The following GNA14 variants were observed in gnomAD, a reference collection of about 807,000 sequenced individuals.
GNA14 encodes the protein G protein subunit alpha 14.
GNA14 carries 50 observed loss-of-function variants against 42.0 expected under a neutral mutation model. That is an observed-to-expected ratio of 1.19 (90% CI 0.95 to 1.51). The LOEUF (loss-of-function observed/expected upper bound fraction) is 1.51. Among genes scored for constraint, GNA14 ranks in the 40% most tolerant of loss-of-function variants. The pLI is 0.00. For synonymous variants in GNA14, 173 were observed against 163.1 expected (o/e 1.06, Z -0.46); for missense variants, 473 against 446.2 (o/e 1.06, Z -0.54).
At chr9:77,526,695 C>G (rs1466178150) in intron 2 of GNA14, 1 of 152,172 alleles carries the variant, frequency 6.6e-6, no homozygotes, top group Non-Finnish European at 1.5e-5. Flanking sequence ...CCAGTTAGAA[C>G]CAATCAACCT....
At chr9:77,625,773 G>A (rs1431490721) in intron 1 of GNA14, among the ~76,000 whole-genome samples, 2 of 152,084 alleles carry the variant, frequency 1.3e-5, no homozygotes, top group Non-Finnish European at 2.9e-5. Flanking sequence ...ACCAACCACT[G>A]CAAAAACATA....
At chr9:77,630,371 GCCT>G (rs1414833532) in intron 1 of GNA14, among the ~76,000 whole-genome samples, 1 of 152,024 alleles carries the variant, frequency 6.6e-6, no homozygotes, top group Non-Finnish European at 1.5e-5. Flanking sequence ...TCCCGTCCTG[GCCT>G]CCTCAAGTGC....
At chr9:77,471,526 T>G (rs7864626) in intron 2 of GNA14, among the ~76,000 whole-genome samples, 43,972 of 152,000 alleles carry the variant, frequency 0.29, 6,623 homozygotes, top group East Asian at 0.48. Context: ...CTTGAAAGAC[T>G]GATAAGAAAG....
chr9:77,633,380 G>A (rs1335173940), intron 1 of GNA14, among the ~76,000 whole-genome samples: 1 of 152,120 alleles, frequency 6.6e-6, no homozygotes, highest in East Asian at 1.9e-4. Flanking sequence ...CTGGCCCGTT[G>A]AAGATTCTAA....
intron 1 of GNA14, among the ~76,000 whole-genome samples, chr9:77,618,855 G>A (rs557205012): frequency 2.0e-5 from 3 of 150,036 alleles, no homozygotes; most frequent in Non-Finnish European, 4.4e-5. Context: ...GGATGGTCTC[G>A]ATCTCCTGAC....
intron 6 of GNA14, among the ~76,000 whole-genome samples, chr9:77,424,642 T>C (rs2131684580): frequency 6.6e-6 from 1 of 152,326 alleles, no homozygotes; most frequent in Middle Eastern, 3.4e-3. Flanking sequence ...CATGAACCCA[T>C]AAAATAGTCA....
At chr9:77,643,936 G>T (rs1013583936) in intron 1 of GNA14, among the ~76,000 whole-genome samples, 8 of 152,148 alleles carry the variant, frequency 5.3e-5, no homozygotes, top group African/African-American at 1.9e-4. Context: ...TTAGTCCACA[G>T]CTAAGACACT....
intron 1 of GNA14, among the ~76,000 whole-genome samples, chr9:77,546,983 A>G (rs1316157379): frequency 1.3e-5 from 2 of 152,214 alleles, no homozygotes; most frequent in Non-Finnish European, 2.9e-5. Flanking sequence ...ACAATAATGT[A>G]TATGGTCATC....
At chr9:77,501,162 C>A (rs1220015045) in intron 2 of GNA14, among the ~76,000 whole-genome samples, 2 of 152,066 alleles carry the variant, frequency 1.3e-5, no homozygotes, top group African/African-American at 2.4e-5. Flanking sequence ...ACCATGTTGG[C>A]CAGGCTGGTT....
chr9:77,477,681 G>A (rs1039719264), intron 2 of GNA14, among the ~76,000 whole-genome samples: 1 of 152,198 alleles, frequency 6.6e-6, no homozygotes, highest in African/African-American at 2.4e-5. Context: ...AGGAAGATAC[G>A]AAGAAAATGA....
At chr9:77,487,850 C>A (rs1291253816) in intron 2 of GNA14, among the ~76,000 whole-genome samples, 2 of 152,140 alleles carry the variant, frequency 1.3e-5, no homozygotes, top group African/African-American at 4.8e-5. Flanking sequence ...TAGACACATC[C>A]AGGTCTCACC....
intron 2 of GNA14, among the ~76,000 whole-genome samples, chr9:77,474,809 G>C (rs764435871): frequency 6.6e-6 from 1 of 152,074 alleles, no homozygotes; most frequent in Non-Finnish European, 1.5e-5. Context: ...AATATGATTT[G>C]GCAATTAAAA....
chr9:77,470,725 A>T (rs1049229100), intron 2 of GNA14, among the ~76,000 whole-genome samples: 1 of 152,182 alleles, frequency 6.6e-6, no homozygotes, highest in African/African-American at 2.4e-5. Context: ...AAGAGGTTGA[A>T]TTGACTCATA....
At chr9:77,537,044 A>T (rs1317319322) in intron 1 of GNA14, among the ~76,000 whole-genome samples, 1 of 152,116 alleles carries the variant, frequency 6.6e-6, no homozygotes, top group African/African-American at 2.4e-5. Context: ...TGGGGTATCC[A>T]TCACCTTGAG....
At chr9:77,619,908 T>C (rs1823894318) in intron 1 of GNA14, among the ~76,000 whole-genome samples, 1 of 152,214 alleles carries the variant, frequency 6.6e-6, no homozygotes, top group Non-Finnish European at 1.5e-5. Flanking sequence ...TTTCTGTCCC[T>C]GACAAACCTG....
intron 2 of GNA14, among the ~76,000 whole-genome samples, chr9:77,516,978 G>A (rs1030874482): frequency 2.0e-5 from 3 of 152,188 alleles, no homozygotes; most frequent in Admixed American, 6.5e-5. Context: ...GGACTCAGAC[G>A]TGTGAACAGC....
At chr9:77,625,142 G>A (rs1823993354) in intron 1 of GNA14, among the ~76,000 whole-genome samples, 1 of 151,822 alleles carries the variant, frequency 6.6e-6, no homozygotes, top group South Asian at 2.1e-4. Context: ...CGATCAAGCA[G>A]AAGAAAGGGT....
At chr9:77,502,920 C>G (rs963772326) in intron 2 of GNA14, among the ~76,000 whole-genome samples, 5 of 152,138 alleles carry the variant, frequency 3.3e-5, no homozygotes, top group African/African-American at 1.2e-4. Flanking sequence ...TCTCAGGGAG[C>G]AGGCCTTTGT....
In GNA14 at chr9:77,434,526, C is replaced by T; in HGVS notation, c.310-4G>A. Reference sequence around the variant, plus strand: ...CTCTGATTATCTGGGCATTTTCCTACTCAAAGGAAAGAGAACCTTGCATCA... The same window carrying T: ...CTCTGATTATCTGGGCATTTTCCTATTCAAAGGAAAGAGAACCTTGCATCA... On this transcript the variant is annotated splice_polypyrimidine_tract_variant and splice_region_variant and intron_variant, in intron 2 of 6. Transcript: ENST00000341700. 1.2e-6 allele frequency: 2 copies of T among 1,611,346 alleles called. No homozygotes were observed. The highest frequency in any genetic ancestry group is 1.7e-6 in the Non-Finnish European group (2 of 1,178,710).
Sources: allele counts gnomAD v4.1 joint callset (sites outside exome capture counted in the v4.1 genomes callset), GRCh38; gene constraint gnomAD v4.1.1; transcripts MANE v1.5; gene names NCBI Gene and HGNC (gene_info 2026-07-23, HGNC 2026-07-21).